The following IL2RA variants were observed in gnomAD, a reference collection of about 807,000 sequenced individuals.
IL2RA encodes the protein interleukin-2 receptor subunit alpha.
IL2RA carries 24 observed loss-of-function variants against 37.8 expected under a neutral mutation model. The observed-to-expected ratio is 0.63, with a 90% CI of 0.46 to 0.89. The LOEUF (loss-of-function observed/expected upper bound fraction) is 0.89. IL2RA is among the 40% of genes least tolerant of loss of function. The pLI is 0.00. For synonymous variants in IL2RA, 125 were observed against 114.6 expected (o/e 1.09, Z -0.58); for missense variants, 319 against 348.6 (o/e 0.92, Z 0.68).
intron 7 of IL2RA, among the ~76,000 whole-genome samples, chr10:6,013,254 G>A (rs1839220548): frequency 6.6e-6 from 1 of 152,252 alleles, no homozygotes; most frequent in South Asian, 2.1e-4. Flanking sequence ...AACTTTCTGA[G>A]ATGATGGAAA....
In IL2RA at chr10:6,021,082, C is replaced by T. The variant is rs564700606; in HGVS notation, c.583+396G>A. ...GGGCTGTTCAGATCATGCATTTACA[C>T]GATCACCAGTAAGAGGAAAAATGTG... is the stretch of plus-strand genomic sequence containing the variant. On this transcript the variant is annotated intron_variant, in intron 4 of 7. Coordinates refer to ENST00000379959, the MANE Select transcript of IL2RA (RefSeq NM_000417.3). This position sits in a 1 kb window ranked among gnomAD's most constrained non-coding sequence, Gnocchi z 4.9. Among the ~76,000 whole-genome samples the T allele has an allele frequency of 7.2e-5, 11 of 152,190 alleles. No individual in the cohort carries two copies. Among genetic ancestry groups the T allele is most frequent in the East Asian group, 1.9e-4 (1 of 5,168 alleles).
At position 6,019,416 on chromosome 10, in the gene IL2RA, T is replaced by C. The variant is rs777783491; in HGVS notation, c.727+12A>G. On this transcript the variant is annotated intron_variant, in intron 6 of 7. Coordinates refer to ENST00000379959, the MANE Select transcript of IL2RA (RefSeq NM_000417.3). The stretch of plus-strand genomic sequence containing the variant: ...GTGTACATTTTGTCCACAAAGCCAG[T>C]GCCCCACTCACCTGCTACCTGGTAC... 2 of 1,596,366 alleles carry C rather than the reference T, an allele frequency of 1.3e-6. No individual in the cohort carries two copies. The highest frequency in any genetic ancestry group is 4.5e-5 in the East Asian group (2 of 44,780).
chr10:6,042,738 G>T (rs1839791444), intron 1 of IL2RA, among the ~76,000 whole-genome samples: 3 of 152,044 alleles, frequency 2.0e-5, no homozygotes, highest in African/African-American at 7.2e-5. Flanking sequence ...AGGCCACAGA[G>T]ATGACCAAAA....
At chr10:6,037,025 G>C (rs1341880534) in intron 1 of IL2RA, among the ~76,000 whole-genome samples, 3 of 152,158 alleles carry the variant, frequency 2.0e-5, no homozygotes, top group Non-Finnish European at 4.4e-5. Flanking sequence ...AGTTTCCAGG[G>C]AGTGAAGCCC....
At chr10:6,026,720 G>C (rs1180128073) in intron 1 of IL2RA, among the ~76,000 whole-genome samples, 2 of 152,190 alleles carry the variant, frequency 1.3e-5, no homozygotes, top group Non-Finnish European at 2.9e-5. Context: ...TTTGCAACAA[G>C]TTCTCTGCTC....
chr10:6,031,693 G>C (rs554318438), intron 1 of IL2RA, among the ~76,000 whole-genome samples: 1 of 151,264 alleles, frequency 6.6e-6, no homozygotes, highest in South Asian at 2.1e-4. Flanking sequence ...ATATTGCTGA[G>C]ACATATTTTA....
Position 6,025,937 on chromosome 10 carries a change from G to A in IL2RA, c.153C>T (p.Cys51=), listed in dbSNP as rs907714536. 6.2e-7 allele frequency: 1 copy of A among 1,614,156 alleles called. No homozygotes were observed. Among genetic ancestry groups the A allele is most frequent in the Non-Finnish European group, 8.5e-7 (1 of 1,180,022 alleles). ...YKEGTMLNCE[C]KRGFRRIKSG... ...TTTTTATTCTGCGGAAACCTCTCTT[G>A]CATTCACAGTTCAACATGGTTCCTT... The change falls in exon 2 of 8, where the codon TGC becomes TGT. Residue 51 remains cysteine, a synonymous_variant. Transcript: ENST00000379959. The surrounding 1 kb of genome is among the most constrained non-coding windows in gnomAD (Gnocchi z 4.4).
chr10:6,012,329 G>A lies in IL2RA; in HGVS notation c.*543C>T, dbSNP rs1267471412. 6.3e-6 allele frequency: 1 copy of A among 158,566 alleles called. No individual in the cohort carries two copies. The highest frequency in any genetic ancestry group is 2.4e-5 in the African/African-American group (1 of 41,542). The allele number at this position is 158,566 out of a possible 1,614,324, so 9.8% of individuals were successfully genotyped here. On this transcript the variant is annotated 3_prime_UTR_variant, in exon 8 of 8. Coordinates refer to ENST00000379959, the MANE Select transcript of IL2RA (RefSeq NM_000417.3). This position sits in a 1 kb window ranked among gnomAD's most constrained non-coding sequence, Gnocchi z 4.8. The stretch of plus-strand genomic sequence containing the variant: ...AATGATTTCTGGGTAGCAGCCCAGA[G>A]TTCTTGAAGGATGTTTATTAGGCAA...
chr10:6,036,588 A>G lies in IL2RA; in HGVS notation c.65-10563T>C, dbSNP rs1252790086. Among the ~76,000 whole-genome samples, 3 of 152,220 alleles carry G rather than the reference A, an allele frequency of 2.0e-5. No homozygotes were observed. Among genetic ancestry groups the G allele is most frequent in the Non-Finnish European group, 4.4e-5 (3 of 68,044 alleles). ...TGGGCAGGCCAGCGGCTCTTCCCTG[A>G]CGTGGAATTATGAGCCCTCTTTCTT... On this transcript the variant is annotated intron_variant, in intron 1 of 7. Coordinates refer to ENST00000379959, the MANE Select transcript of IL2RA (RefSeq NM_000417.3). This position sits in a 1 kb window ranked among gnomAD's most constrained non-coding sequence, Gnocchi z 6.1.
chr10:6,023,893 C>G (rs140119079), intron 3 of IL2RA, among the ~76,000 whole-genome samples: 1 of 152,330 alleles, frequency 6.6e-6, no homozygotes, highest in African/African-American at 2.4e-5. Flanking sequence ...GGGCAGGGAT[C>G]GTTGTCACAC....
intron 6 of IL2RA, 125 bp downstream of exon 6, chr10:6,019,299 CCTAT>C (rs1839337858): frequency 1.3e-6 from 1 of 789,016 alleles, no homozygotes; most frequent in East Asian, 2.4e-5. Context: ...AGCCAACCTA[CCTAT>C]CAACCTACCA....
Position 6,033,089 on chromosome 10 carries a change from G to A in IL2RA, c.65-7064C>T, listed in dbSNP as rs78824424. Among the ~76,000 whole-genome samples the A allele has an allele frequency of 1.1e-3, 169 of 152,168 alleles. 1 individual carries two copies. The highest frequency in any genetic ancestry group is 3.9e-3 in the African/African-American group (160 of 41,500). On this transcript the variant is annotated intron_variant, in intron 1 of 7. Coordinates refer to ENST00000379959, the MANE Select transcript of IL2RA (RefSeq NM_000417.3). The surrounding 1 kb of genome is among the most constrained non-coding windows in gnomAD (Gnocchi z 4.3). ...AATTACTTTGGAACACTATCTGAAA[G>A]TATTTGGCCAGGCATGGTGGCTCAC... is the stretch of plus-strand genomic sequence containing the variant.
At chr10:6,031,494 GTATA>G (rs61619651) in intron 1 of IL2RA, among the ~76,000 whole-genome samples, 23 of 27,472 alleles carry the variant, frequency 8.4e-4, no homozygotes, top group South Asian at 4.2e-3. Flanking sequence ...ATATATATAT[GTATA>G]TATATATATA....
rs532463819 is a variant in IL2RA, at chr10:6,036,603, C to T, written c.65-10578G>A. On this transcript the variant is annotated intron_variant, in intron 1 of 7. Transcript: ENST00000379959. The surrounding 1 kb of genome is among the most constrained non-coding windows in gnomAD (Gnocchi z 6.1). ...CTCTTCCCTGACGTGGAATTATGAG[C>T]CCTCTTTCTTCGATTTTGCCACATA... Among the ~76,000 whole-genome samples the T allele has an allele frequency of 6.6e-6, 1 of 152,330 alleles. No homozygotes were observed. The highest frequency in any genetic ancestry group is 2.4e-5 in the African/African-American group (1 of 41,574).
Position 6,050,121 on chromosome 10 carries a change from C to T in IL2RA, c.64+11967G>A, listed in dbSNP as rs547848024. On this transcript the variant is annotated intron_variant, in intron 1 of 7. Coordinates refer to ENST00000379959, the MANE Select transcript of IL2RA (RefSeq NM_000417.3). ...AGCTCTTGCAGCCGAAAGGGCATCA[C>T]GACAGGTGCTTTCAGGGGAGATTAA... 1.6e-4 allele frequency among the ~76,000 whole-genome samples: 25 copies of T among 152,166 alleles called. 1 individual carries two copies. The highest frequency in any genetic ancestry group is 2.6e-4 in the Admixed American group (4 of 15,272).
intron 1 of IL2RA, among the ~76,000 whole-genome samples, chr10:6,026,837 C>A (rs974937143): frequency 6.6e-6 from 1 of 152,146 alleles, no homozygotes; most frequent in African/African-American, 2.4e-5. Flanking sequence ...GTGGCCTCTC[C>A]GTCAATGGAA....
At chr10:6,037,918 T>A (rs1448682916) in intron 1 of IL2RA, among the ~76,000 whole-genome samples, 3 of 152,186 alleles carry the variant, frequency 2.0e-5, no homozygotes, top group Admixed American at 1.3e-4. Flanking sequence ...TCCAAAGATA[T>A]GCCTAATATT....
rs76417733 is a variant in IL2RA at position 6,015,512 on chromosome 10, C to T, written c.794+2541G>A. Among the ~76,000 whole-genome samples the T allele has an allele frequency of 6.6e-6, 1 of 152,200 alleles. No homozygotes were observed. Among genetic ancestry groups the T allele is most frequent in the East Asian group, 1.9e-4 (1 of 5,206 alleles). ...AGATTCCTGGACCTAAGCAAGACGA[C>T]TGCGTCAGAAACTCCACAGGTGGGA... On this transcript the variant is annotated intron_variant, in intron 7 of 7. Transcript: ENST00000379959. The surrounding 1 kb of genome is among the most constrained non-coding windows in gnomAD (Gnocchi z 4.9).
intron 1 of IL2RA, among the ~76,000 whole-genome samples, chr10:6,061,391 A>G (rs1177154889): frequency 6.6e-6 from 1 of 152,184 alleles, no homozygotes; most frequent in Non-Finnish European, 1.5e-5. Flanking sequence ...AAAAAAAAAA[A>G]TCTTCGAGAA....
Sources: gnomAD v4.1 joint callset for allele counts (sites outside exome capture counted in the v4.1 genomes callset) on GRCh38, gnomAD v4.1.1 for gene constraint, Gnocchi (gnomAD v3.1) non-coding constraint, MANE v1.5 for transcripts, NCBI Gene and HGNC (gene_info 2026-07-23, HGNC 2026-07-21) for gene names.